The following ZNF273 variants were observed in gnomAD, a reference collection of about 807,000 sequenced individuals.
ZNF273 encodes the protein zinc finger protein 9.
In ZNF273, 11 loss-of-function variants were observed where a neutral mutation model predicts 14.9. The ratio of observed to expected loss-of-function variants is 0.74; its 90% confidence interval spans 0.46 to 1.22. The LOEUF (loss-of-function observed/expected upper bound fraction) is 1.22. Among genes scored for constraint, ZNF273 ranks in the 50% most tolerant of loss-of-function variants. The probability of loss-of-function intolerance (pLI) is 0.00; values close to 1 mark genes in which losing one functional copy is unlikely to be tolerated. For synonymous variants in ZNF273, 199 were observed against 223.9 expected (o/e 0.89, Z 0.99); for missense variants, 577 against 660.6 (o/e 0.87, Z 1.39).
In ZNF273 at chr7:64,930,826, ACAT is replaced by A. The variant is rs1298875608; in HGVS notation, c.*1791_*1793del. On this transcript the variant is annotated 3_prime_UTR_variant, in exon 4 of 4. Transcript: ENST00000476120. ...TACAGGTATATAATATGTAATAATCACATCAGGGTAAATGAGGTATCCCTTACT... is the reference window on the plus strand; with the variant it reads ...TACAGGTATATAATATGTAATAATCACAGGGTAAATGAGGTATCCCTTACT... 6.6e-6 allele frequency: 1 copy of A among 152,124 alleles called. No homozygotes were observed. Among genetic ancestry groups the A allele is most frequent in the Non-Finnish European group, 1.5e-5 (1 of 67,986 alleles). 9.4% of individuals were successfully genotyped at this position (152,124 alleles called of 1,614,324 possible).
At chr7:64,894,440 T>G (rs1454538995), downstream of ZNF273, among the ~76,000 whole-genome samples, 3 of 152,210 alleles carry the variant, frequency 2.0e-5, no homozygotes, top group Non-Finnish European at 2.9e-5. Flanking sequence ...ACAAACAAAC[T>G]TTACAGATTA....
At chr7:64,902,206 CTTT>C (rs1195151564), upstream of ZNF273, among the ~76,000 whole-genome samples, 3 of 146,232 alleles carry the variant, frequency 2.1e-5, no homozygotes, top group Non-Finnish European at 4.5e-5. Context: ...CTGTTTCTTC[CTTT>C]TTTTTTTAAG....
downstream of ZNF273, among the ~76,000 whole-genome samples, chr7:64,883,214 A>AC (rs57594044): frequency 0.058 from 7,033 of 121,574 alleles, 399 homozygotes; most frequent in African/African-American, 0.11. Context: ...CCAAATCACC[A>AC]CCCCCCCCTC....
chr7:64,927,552 C>A, intron 3 of ZNF273, 102 bp from the exon 4 acceptor site: 2 of 1,017,864 alleles, frequency 2.0e-6, no homozygotes, highest in Non-Finnish European at 2.8e-6. Context: ...TTTTGCTATA[C>A]CATCTTCCTT....
downstream of ZNF273, among the ~76,000 whole-genome samples, chr7:64,883,214 A>AACCCCCCCCCCC (rs1554378895): frequency 8.2e-6 from 1 of 121,636 alleles, no homozygotes; most frequent in Non-Finnish European, 1.7e-5. Context: ...CCAAATCACC[A>AACCCCCCCCCCC]CCCCCCCCTC....
At chr7:64,923,339 GTTTT>G in intron 3 of ZNF273, 3 of 454,830 alleles carry the variant, frequency 6.6e-6, no homozygotes, top group Non-Finnish European at 8.8e-6. Flanking sequence ...GTGTGTGTGT[GTTTT>G]TTTATTTTTA....
Position 64,879,190 on chromosome 7 carries a change from G to A in ZNF273, n.331-260G>A, listed in dbSNP as rs370118252. On this transcript the variant is annotated intron_variant and non_coding_transcript_variant, in intron 2 of 2. Transcript: ENST00000465954. ...GGTACTTCCTCTCACCGTGGATGTA[G>A]TTGGCTGCCAGGGATTTCAGAGTCA... Among the ~76,000 whole-genome samples the A allele has an allele frequency of 7.2e-5, 11 of 152,192 alleles. No individual in the cohort carries two copies. In the East Asian group the frequency reaches 1.9e-3, roughly 27 times the overall value.
intron 1 of ZNF273, among the ~76,000 whole-genome samples, chr7:64,915,131 T>C (rs959517451): frequency 1.2e-4 from 18 of 152,316 alleles, no homozygotes; most frequent in African/African-American, 3.8e-4. Flanking sequence ...TACCAGAGCC[T>C]ACTCTACTTT....
intron 1 of ZNF273, among the ~76,000 whole-genome samples, chr7:64,904,549 C>T (rs1386003623): frequency 6.6e-6 from 1 of 152,156 alleles, no homozygotes; most frequent in Non-Finnish European, 1.5e-5. Context: ...ACTCCCCACC[C>T]CCAATTCCTT....
intron 1 of ZNF273, among the ~76,000 whole-genome samples, chr7:64,912,790 C>A (rs938987412): frequency 1.7e-5 from 2 of 120,548 alleles, no homozygotes; most frequent in Non-Finnish European, 3.7e-5. Context: ...GCTAAATAAA[C>A]CCTTTGTTTT....
At chr7:64,911,985 C>T (rs1450230649) in intron 1 of ZNF273, among the ~76,000 whole-genome samples, 1 of 152,058 alleles carries the variant, frequency 6.6e-6, no homozygotes, top group African/African-American at 2.4e-5. Flanking sequence ...CATTATTTAC[C>T]CAAATATCAT....
At chr7:64,892,162 C>T (rs1292833070), downstream of ZNF273, among the ~76,000 whole-genome samples, 1 of 152,150 alleles carries the variant, frequency 6.6e-6, no homozygotes, top group East Asian at 1.9e-4. Context: ...TTAAACTTAT[C>T]ATTTGGGAGA....
chr7:64,885,130 G>T (rs1791502259), intron 1 of ZNF273, among the ~76,000 whole-genome samples: 1 of 152,236 alleles, frequency 6.6e-6, no homozygotes, highest in Non-Finnish European at 1.5e-5. Flanking sequence ...TTGTGGACAC[G>T]TGTCGGCGTT....
downstream of ZNF273, among the ~76,000 whole-genome samples, chr7:64,883,799 G>T (rs780557521): frequency 6.6e-6 from 1 of 152,186 alleles, no homozygotes; most frequent in Non-Finnish European, 1.5e-5. Context: ...TTTCTCGTGG[G>T]CCTAGAGTTT....
chr7:64,927,691 G>A lies in ZNF273; in HGVS notation c.363G>A (p.Lys121=). 1.3e-6 allele frequency: 2 copies of A among 1,594,530 alleles called. No homozygotes were observed. Among genetic ancestry groups the A allele is most frequent in the Non-Finnish European group, 1.7e-6 (2 of 1,173,262 alleles). The change falls in exon 4 of 4, where the codon AAG becomes AAA. Residue 121 remains lysine (K), a synonymous_variant. Coordinates refer to ENST00000476120, the MANE Select transcript of ZNF273 (RefSeq NM_021148.3). ...CSHFAQDLWP[K]QGLKDSFQKV... ...ATTTTGCCCAAGACCTTTGGCCAAA[G>A]CAGGGCTTAAAAGATTCTTTTCAAA...
chr7:64,895,139 G>GA (rs1014192023), intron 3 of ZNF273, among the ~76,000 whole-genome samples: 5 of 149,292 alleles, frequency 3.3e-5, no homozygotes, highest in East Asian at 2.0e-4. Flanking sequence ...TCCATCTCAA[G>GA]AAAAAAAAAA....
upstream of ZNF273, among the ~76,000 whole-genome samples, chr7:64,900,178 G>C (rs13225722): frequency 0.31 from 47,415 of 151,172 alleles, 8,459 homozygotes; most frequent in Non-Finnish European, 0.38. Flanking sequence ...CCAGGCTGGA[G>C]TGCAGTTGTG....
At chr7:64,883,591 G>T (rs1323018060), downstream of ZNF273, among the ~76,000 whole-genome samples, 1 of 152,174 alleles carries the variant, frequency 6.6e-6, no homozygotes, top group Non-Finnish European at 1.5e-5. Context: ...TCACTTCGTC[G>T]CACAAGCCGT....
chr7:64,918,651 C>T, intron 3 of ZNF273, among the ~76,000 whole-genome samples: 1 of 84,816 alleles, frequency 1.2e-5, no homozygotes, highest in Non-Finnish European at 2.0e-5. Flanking sequence ...CAGAGTGAGA[C>T]TCCATCTCAA....
Sources: gnomAD v4.1 joint callset for allele counts (sites outside exome capture counted in the v4.1 genomes callset) on GRCh38, gnomAD v4.1.1 for gene constraint, MANE v1.5 for transcripts, NCBI Gene and HGNC (gene_info 2026-07-23, HGNC 2026-07-21) for gene names.